CISH: variants seen among roughly 807,000 people sequenced by gnomAD.
The protein encoded by CISH is cytokine inducible SH2 containing protein.
In CISH, 11 loss-of-function variants were observed where a neutral mutation model predicts 21.3. That is an observed-to-expected ratio of 0.52 (90% CI 0.32 to 0.85). The LOEUF (loss-of-function observed/expected upper bound fraction) is 0.85, where lower values mean the gene tolerates loss of function less well. Among genes scored for constraint, CISH ranks in the 40% least tolerant of loss-of-function variants. The probability of loss-of-function intolerance (pLI) is 0.03; values close to 1 mark genes in which losing one functional copy is unlikely to be tolerated. For missense variants in CISH, 280 were observed against 351.7 expected (o/e 0.80, Z 1.63); for synonymous variants, 118 against 142.3 (o/e 0.83, Z 1.22).
At position 50,607,696 on chromosome 3, in the gene CISH, C is replaced by G; in HGVS notation, c.688G>C (p.Val230Leu). The G allele has an allele frequency of 3.7e-6, 6 of 1,613,842 alleles. No homozygotes were observed. The highest frequency in any genetic ancestry group is 5.1e-6 in the Non-Finnish European group (6 of 1,179,952). The part of the protein sequence containing the change: ...ARSLQHLCRL[V>L]INRLVADVDC... ...ACGTCGGCCACCAGACGGTTGATGA[C>G]AAGGCGGCACAGGTGTTGCAGGCTG... The change falls in exon 3 of 3, where the codon GTC becomes CTC. Residue 230 changes from valine (V) to leucine (L), a missense_variant. Transcript: ENST00000348721.
In CISH at chr3:50,607,939, G is replaced by A. The variant is rs375441453; in HGVS notation, c.445C>T (p.Arg149Cys). Residue 149 changes from arginine (R) to cysteine (C), a missense_variant, in exon 3 of 3, where the codon CGC (arginine) becomes TGC (cysteine). Coordinates refer to ENST00000348721, the MANE Select transcript of CISH (RefSeq NM_145071.4). ...ACCACATCCGGAAAGGCCAGGATGCGTGGCCTGGACAAGCAGTTGGAGTCC... is the reference window on the plus strand; with the variant it reads ...ACCACATCCGGAAAGGCCAGGATGCATGGCCTGGACAAGCAGTTGGAGTCC... ...RLDSNCLSRP[R>C]ILAFPDVVSL... 1.3e-4 allele frequency: 209 copies of A among 1,613,962 alleles called. No individual in the cohort carries two copies. Among genetic ancestry groups the A allele is most frequent in the Non-Finnish European group, 1.7e-4 (199 of 1,180,012 alleles).
chr3:50,608,323 T>C (rs1214213103), intron 2 of CISH, 50 bp downstream of exon 2: 3 of 1,529,154 alleles, frequency 2.0e-6, no homozygotes, highest in Admixed American at 1.9e-5. Flanking sequence ...GAACTAAGCT[T>C]CTCCCACCAG....
At chr3:50,610,363 G>A (rs1224008490) in intron 1 of CISH, 4 of 1,551,284 alleles carry the variant, frequency 2.6e-6, no homozygotes, top group East Asian at 4.9e-5. Context: ...AGCTCCTGGT[G>A]AGTGTGTACC....
At position 50,608,437 on chromosome 3, in the gene CISH, C is replaced by A. The variant is rs1415044413; in HGVS notation, c.177G>T (p.Lys59Asn). 1.9e-6 allele frequency: 3 copies of A among 1,613,822 alleles called. No individual in the cohort carries two copies. Among genetic ancestry groups the A allele is most frequent in the South Asian group, 2.2e-5 (2 of 91,050 alleles). The stretch of plus-strand genomic sequence containing the variant: ...GCAGATCCTCCTCTGGGTCCAGCAC[C>A]TTTGGCTCACTCTCTGTCTGGGCTG... ...GTPAQTESEP[K>N]VLDPEEDLLC... Residue 59 changes from lysine (K) to asparagine (N), a missense_variant, in exon 2 of 3, where the codon AAG becomes AAT. Lys to Asn is a moderately conservative substitution (Grantham distance 94). Coordinates refer to ENST00000348721, the MANE Select transcript of CISH (RefSeq NM_145071.4).
chr3:50,610,499 A>G lies in CISH; in HGVS notation c.20+1132T>C. On this transcript the variant is annotated intron_variant, in intron 1 of 2. Transcript: ENST00000348721. The stretch of plus-strand genomic sequence containing the variant: ...AAAACTTTGTTCCCTGACACCCAAC[A>G]GTAGCCCTGAGCTTACAAGGGGGTG... 3 of 1,550,944 alleles carry G rather than the reference A, an allele frequency of 1.9e-6. No individual in the cohort carries two copies. The South Asian group carries it at 3.6e-5, about 18-fold the overall frequency.
At chr3:50,611,572 C>G in intron 1 of CISH, 59 bp downstream of exon 1, 10 of 1,525,828 alleles carry the variant, frequency 6.6e-6, no homozygotes, top group Non-Finnish European at 8.8e-6. Context: ...AGCACGAAGC[C>G]CCTGTTCTCC....
At position 50,607,520 on chromosome 3, in the gene CISH, G is replaced by T; in HGVS notation, c.*87C>A. The T allele has an allele frequency of 7.2e-7, 1 of 1,394,294 alleles. No individual in the cohort carries two copies. The highest frequency in any genetic ancestry group is 9.8e-7 in the Non-Finnish European group (1 of 1,021,066). 86.4% of individuals were successfully genotyped at this position (1,394,294 alleles called of 1,614,324 possible). ...TATGCAGGCACCAGGATGCCTGGAG[G>T]AGGGACAGTGGGGGCCCAAGTCCAG... is the stretch of plus-strand genomic sequence containing the variant. On this transcript the variant is annotated 3_prime_UTR_variant, in exon 3 of 3. Transcript: ENST00000348721.
rs1370139668 is a variant in CISH, at chr3:50,610,146, G to A, written c.20+1485C>T. 6.9e-5 allele frequency: 40 copies of A among 580,454 alleles called. No homozygotes were observed. The East Asian group carries it at 1.1e-3, about 16-fold the overall frequency. The allele number at this position is 580,454 out of a possible 1,614,324, so 36.0% of individuals were successfully genotyped here. A position where few individuals can be genotyped will look rare whatever the true frequency, so the allele number is the denominator to read the frequency against. Reference sequence around the variant, plus strand: ...TCTTGGAAATCCCTCTTGGAGAGCTGGAGGCCAAATTTTGAGATGACCTGC... The same window carrying A: ...TCTTGGAAATCCCTCTTGGAGAGCTAGAGGCCAAATTTTGAGATGACCTGC... On this transcript the variant is annotated intron_variant, in intron 1 of 2. Transcript: ENST00000348721.
At chr3:50,611,150 G>A (rs1179018773) in intron 1 of CISH, 2 of 999,064 alleles carry the variant, frequency 2.0e-6, no homozygotes, top group East Asian at 1.1e-4. Flanking sequence ...GGAAAGGCAA[G>A]GATCTGCGGC....
Position 50,611,023 on chromosome 3 carries a change from T to C in CISH, c.20+608A>G, listed in dbSNP as rs186097846. Reference sequence around the variant, plus strand: ...GGCAGGAGCCAAGGTCCTTCTCACATTGGGATCCCAGACTGGGCTGAGACA... The same window carrying C: ...GGCAGGAGCCAAGGTCCTTCTCACACTGGGATCCCAGACTGGGCTGAGACA... On this transcript the variant is annotated intron_variant, in intron 1 of 2. Transcript: ENST00000348721. The C allele has an allele frequency of 1.7e-3, 1,667 of 990,848 alleles. 1 individual carries two copies. Among genetic ancestry groups the C allele is most frequent in the Non-Finnish European group, 1.9e-3 (1,565 of 833,202 alleles). The allele number at this position is 990,848 out of a possible 1,614,324, so 61.4% of individuals were successfully genotyped here.
In CISH at chr3:50,607,412, G is replaced by C. The variant is rs915051801; in HGVS notation, c.*195C>G. Reference sequence around the variant, plus strand: ...TATAATGAAGCCACATGCGGCCTGGGGGCATTTACCTCCAAGTTGTGTGAC... The same window carrying C: ...TATAATGAAGCCACATGCGGCCTGGCGGCATTTACCTCCAAGTTGTGTGAC... On this transcript the variant is annotated 3_prime_UTR_variant, in exon 3 of 3. Coordinates refer to ENST00000348721, the MANE Select transcript of CISH (RefSeq NM_145071.4). 1 of 611,460 alleles carries C rather than the reference G, an allele frequency of 1.6e-6. No individual in the cohort carries two copies. The highest frequency in any genetic ancestry group is 1.9e-5 in the African/African-American group (1 of 54,022). The allele number at this position is 611,460 out of a possible 1,614,324, so 37.9% of individuals were successfully genotyped here. A position where few individuals can be genotyped will look rare whatever the true frequency, so the allele number is the denominator to read the frequency against.
intron 1 of CISH, chr3:50,610,812 T>A: frequency 9.0e-7 from 1 of 1,105,120 alleles, no homozygotes; most frequent in Non-Finnish European, 1.1e-6. Context: ...TCTTCCTCTC[T>A]CCTTGGAGCT....
chr3:50,610,655 G>C, intron 1 of CISH: 2 of 1,420,214 alleles, frequency 1.4e-6, no homozygotes, highest in South Asian at 3.0e-5. Context: ...GAACTTGCTG[G>C]AGACAGCAAG....
chr3:50,610,188 C>A, intron 1 of CISH: 1 of 659,704 alleles, frequency 1.5e-6, no homozygotes, highest in Non-Finnish European at 2.6e-6. Context: ...GGGCCCAGAG[C>A]TACCTTCCCA....
Position 50,607,523 on chromosome 3 carries a change from G to A in CISH, c.*84C>T. 7.1e-7 allele frequency: 1 copy of A among 1,417,932 alleles called. No individual in the cohort carries two copies. Among genetic ancestry groups the A allele is most frequent in the South Asian group, 1.3e-5 (1 of 76,010 alleles). The allele number at this position is 1,417,932 out of a possible 1,614,324, so 87.8% of individuals were successfully genotyped here. ...GCAGGCACCAGGATGCCTGGAGGAG[G>A]GACAGTGGGGGCCCAAGTCCAGCTG... On this transcript the variant is annotated 3_prime_UTR_variant, in exon 3 of 3. Transcript: ENST00000348721.
Position 50,611,349 on chromosome 3 carries a change from C to T in CISH, c.20+282G>A, listed in dbSNP as rs888631643. ...TTGGGGGACGCCGTGCCGTTAGCAT[C>T]CATCTGCTCCAATGAGAACCCAGGC... is the stretch of plus-strand genomic sequence containing the variant. On this transcript the variant is annotated intron_variant, in intron 1 of 2. Transcript: ENST00000348721. 4.0e-5 allele frequency: 53 copies of T among 1,333,662 alleles called. 1 individual carries two copies. In the South Asian group the frequency reaches 9.7e-4, roughly 24 times the overall value. 82.6% of individuals were successfully genotyped at this position (1,333,662 alleles called of 1,614,324 possible). A position where few individuals can be genotyped will look rare whatever the true frequency, so the allele number is the denominator to read the frequency against.
chr3:50,608,446 A>G lies in CISH; in HGVS notation c.168T>C (p.Ser56=), dbSNP rs2032225154. 1.2e-6 allele frequency: 2 copies of G among 1,613,490 alleles called. No individual in the cohort carries two copies. Among genetic ancestry groups the G allele is most frequent in the Non-Finnish European group, 1.7e-6 (2 of 1,179,780 alleles). ...VAEGTPAQTE[S]EPKVLDPEED... is the part of the protein sequence containing the mutation. ...CCTCTGGGTCCAGCACCTTTGGCTC[A>G]CTCTCTGTCTGGGCTGGGGTACCCT... The change falls in exon 2 of 3, where the codon AGT becomes AGC. Residue 56 remains serine, a synonymous_variant. Transcript: ENST00000348721.
At chr3:50,610,915 C>T in intron 1 of CISH, 1 of 1,017,326 alleles carries the variant, frequency 9.8e-7, no homozygotes, top group African/African-American at 1.7e-5. Context: ...GCCAGGAATG[C>T]TCAGCTCAGG....
intron 1 of CISH, chr3:50,610,359 T>C (rs1301024988): frequency 1.9e-6 from 3 of 1,551,380 alleles, no homozygotes; most frequent in Non-Finnish European, 2.6e-6. Flanking sequence ...CACAAGCTCC[T>C]GGTGAGTGTG....
Sources: allele counts gnomAD v4.1 joint callset, GRCh38; gene constraint gnomAD v4.1.1; transcripts MANE v1.5; gene names NCBI Gene and HGNC (gene_info 2026-07-23, HGNC 2026-07-21).